The following TF variants were observed in gnomAD, a reference collection of about 807,000 sequenced individuals.
The protein encoded by TF is transferrin.
In TF, 55 loss-of-function variants were observed where a neutral mutation model predicts 82.4. That is an observed-to-expected ratio of 0.67 (90% CI 0.54 to 0.84). TF has a LOEUF of 0.84. Ranked by LOEUF, TF falls within the 40% of genes least tolerant of loss-of-function variation. The pLI, the probability that TF is intolerant of heterozygous loss-of-function variation, is 0.00. For missense variants in TF, 737 were observed against 868.4 expected, an observed-to-expected ratio of 0.85 and a Z score of 1.90; for synonymous variants, 332 against 332.6, an observed-to-expected ratio of 1.00 and a Z score of 0.02.
the TF span, among the ~76,000 whole-genome samples, chr3:133,717,511 T>A: frequency 6.6e-6 from 1 of 152,200 alleles, no homozygotes; most frequent in East Asian, 1.9e-4. Flanking sequence ...AGGGAAATGT[T>A]TGCAACCAGC....
At chr3:133,669,707 T>A in the TF span, among the ~76,000 whole-genome samples, 1 of 152,246 alleles carries the variant, frequency 6.6e-6, no homozygotes, top group Non-Finnish European at 1.5e-5. Context: ...AATGACTGAA[T>A]GGAGCTATGA....
intron 15 of TF, 44 bp downstream of exon 15, chr3:133,775,661 C>G: frequency 1.2e-6 from 2 of 1,602,048 alleles, no homozygotes; most frequent in Non-Finnish European, 1.7e-6. Context: ...CCTAGATGGC[C>G]ATAGGCTATT....
intron 16 of TF, chr3:133,777,507 T>C (rs1450276192): frequency 8.5e-6 from 4 of 467,892 alleles, no homozygotes; most frequent in Non-Finnish European, 1.6e-5. Context: ...GGACTGGGTT[T>C]ATGTGTACAT....
At chr3:133,690,396 A>G in the TF span, among the ~76,000 whole-genome samples, 1 of 152,238 alleles carries the variant, frequency 6.6e-6, no homozygotes, top group Non-Finnish European at 1.5e-5. Context: ...AAACCATTCT[A>G]AAAATAACAG....
chr3:133,688,013 T>A, the TF span, among the ~76,000 whole-genome samples: 1 of 152,224 alleles, frequency 6.6e-6, no homozygotes, highest in Admixed American at 6.5e-5. Flanking sequence ...TTTGGCTTTT[T>A]TAGCTGAGGG....
chr3:133,730,019 A>G, the TF span, among the ~76,000 whole-genome samples: 1 of 151,928 alleles, frequency 6.6e-6, no homozygotes, highest in Non-Finnish European at 1.5e-5. Flanking sequence ...GTGGTGTCAT[A>G]TTCTCTTGCT....
chr3:133,670,326 A>G, the TF span, among the ~76,000 whole-genome samples: 2 of 152,258 alleles, frequency 1.3e-5, no homozygotes, highest in African/African-American at 4.8e-5. Flanking sequence ...ATAAATCCCA[A>G]GTTTTCCAAA....
the TF span, among the ~76,000 whole-genome samples, chr3:133,729,090 G>A: frequency 1.3e-5 from 2 of 152,182 alleles, no homozygotes; most frequent in African/African-American, 4.8e-5. Context: ...CAGTTAGGCT[G>A]CTTGGGGGTC....
chr3:133,702,181 A>C, the TF span: 1 of 152,466 alleles, frequency 6.6e-6, no homozygotes, highest in African/African-American at 2.4e-5. Flanking sequence ...CCTCTTCCTC[A>C]GCCTCCAGGA....
intron 1 of TF, among the ~76,000 whole-genome samples, chr3:133,747,654 T>C (rs1363329296): frequency 1.3e-5 from 2 of 152,274 alleles, no homozygotes; most frequent in Non-Finnish European, 1.5e-5. Flanking sequence ...TTTTTGTGAA[T>C]GGCAGCCAAA....
the TF span, among the ~76,000 whole-genome samples, chr3:133,670,230 A>C: frequency 6.6e-6 from 1 of 152,240 alleles, no homozygotes; most frequent in Non-Finnish European, 1.5e-5. Context: ...CTGTACAAAA[A>C]GAGGATGGCA....
the TF span, among the ~76,000 whole-genome samples, chr3:133,740,900 C>A: frequency 1.7e-5 from 2 of 116,016 alleles, no homozygotes; most frequent in Non-Finnish European, 3.6e-5. Context: ...CCTTAGGTAG[C>A]ATTTTTCATG....
At chr3:133,716,222 T>C in the TF span, among the ~76,000 whole-genome samples, 3 of 152,270 alleles carry the variant, frequency 2.0e-5, no homozygotes, top group East Asian at 1.9e-4. Flanking sequence ...TTCCCAAATT[T>C]AACATTCTAG....
At position 133,768,047 on chromosome 3, in the gene TF, G is replaced by T. The variant is rs749545092; in HGVS notation, c.1505G>T (p.Gly502Val). ...HCRFDEFFSE[G>V]CAPGSKKDSS... ...TGCACAGATGAATTTTTCAGTGAAG[G>T]TTGTGCCCCTGGGTCTAAGAAAGAC... is the stretch of plus-strand genomic sequence containing the variant. Residue 502 changes from glycine to valine, a missense_variant, in exon 13 of 17, where the codon GGT becomes GTT. Gly to Val is a moderately radical substitution (Grantham distance 109). Coordinates refer to ENST00000402696, the MANE Select transcript of TF (RefSeq NM_001063.4). 1.9e-6 allele frequency: 3 copies of T among 1,614,134 alleles called. No homozygotes were observed. The highest frequency in any genetic ancestry group is 1.7e-5 in the Admixed American group (1 of 60,020).
chr3:133,690,153 AT>A, the TF span, among the ~76,000 whole-genome samples: 30 of 152,144 alleles, frequency 2.0e-4, 1 homozygote, highest in African/African-American at 7.2e-4. Context: ...AATGTAAAAA[AT>A]TTTAAACCAT....
At chr3:133,701,402 T>C in the TF span, among the ~76,000 whole-genome samples, 2 of 152,356 alleles carry the variant, frequency 1.3e-5, no homozygotes, top group Middle Eastern at 6.8e-3. Context: ...GTTTCTGGTC[T>C]GGCCATCTAC....
the TF span, among the ~76,000 whole-genome samples, chr3:133,696,983 C>G: frequency 6.6e-6 from 1 of 152,170 alleles, no homozygotes; most frequent in African/African-American, 2.4e-5. Context: ...GTGCTAAGCT[C>G]ATTTTTATAA....
At chr3:133,719,287 C>A in the TF span, among the ~76,000 whole-genome samples, 1 of 152,100 alleles carries the variant, frequency 6.6e-6, no homozygotes, top group Non-Finnish European at 1.5e-5. Context: ...TCCCTGTTAA[C>A]GGGAGAACAC....
intron 2 of TF, 105 bp downstream of exon 2, chr3:133,748,689 G>C (rs1576354475): frequency 1.4e-6 from 2 of 1,406,858 alleles, no homozygotes; most frequent in South Asian, 2.5e-5. Flanking sequence ...TGATATATGG[G>C]GCAGTCAACC....
Sources: allele counts gnomAD v4.1 joint callset (sites outside exome capture counted in the v4.1 genomes callset), GRCh38; gene constraint gnomAD v4.1.1; transcripts MANE v1.5; gene names NCBI Gene and HGNC (gene_info 2026-07-23, HGNC 2026-07-21).